SORCS1: variants seen among roughly 807,000 people sequenced by gnomAD.
SORCS1 encodes sortilin related VPS10 domain containing receptor 1, also known as VPS10 domain-containing receptor SorCS1.
In SORCS1, 60 loss-of-function variants were observed where a neutral mutation model predicts 146.1. The observed-to-expected ratio is 0.41, with a 90% CI of 0.33 to 0.51. SORCS1 has a LOEUF of 0.51. Among genes scored for constraint, SORCS1 ranks in the 20% least tolerant of loss-of-function variants. The pLI is 0.21. For missense variants in SORCS1, 1,352 were observed against 1,487.6 expected (o/e 0.91, Z 1.50); for synonymous variants, 637 against 584.0 (o/e 1.09, Z -1.31).
At chr10:106,634,338 ATTGTGTGT>A (rs1848609039) in intron 18 of SORCS1, among the ~76,000 whole-genome samples, 1 of 152,218 alleles carries the variant, frequency 6.6e-6, no homozygotes. Context: ...GCACATTTCT[ATTGTGTGT>A]TTGTCAAAAT....
chr10:107,020,930 G>A (rs1159051523), intron 1 of SORCS1, among the ~76,000 whole-genome samples: 1 of 151,870 alleles, frequency 6.6e-6, no homozygotes, highest in Non-Finnish European at 1.5e-5. Flanking sequence ...TATAGATATA[G>A]AGCATTCATT....
intron 1 of SORCS1, among the ~76,000 whole-genome samples, chr10:107,133,309 T>C (rs1003763463): frequency 3.3e-5 from 5 of 152,128 alleles, no homozygotes; most frequent in Admixed American, 6.5e-5. Context: ...TTTGGTCTCC[T>C]TTCCAGTGAG....
chr10:106,590,826 T>C (rs1205190688), intron 24 of SORCS1, among the ~76,000 whole-genome samples: 1 of 152,146 alleles, frequency 6.6e-6, no homozygotes, highest in African/African-American at 2.4e-5. Context: ...GGCTAATTAT[T>C]GTACTTTTGA....
intron 22 of SORCS1, among the ~76,000 whole-genome samples, chr10:106,609,480 T>C (rs6584756): frequency 0.86 from 131,259 of 152,216 alleles, 56,999 homozygotes; most frequent in Middle Eastern, 0.95. Flanking sequence ...GGTTTATTAG[T>C]GTACACTTGC....
At chr10:106,981,556 C>T (rs1956246018) in intron 1 of SORCS1, among the ~76,000 whole-genome samples, 1 of 152,106 alleles carries the variant, frequency 6.6e-6, no homozygotes, top group African/African-American at 2.4e-5. Context: ...CTCATACAAC[C>T]AACATTCTTT....
intron 1 of SORCS1, among the ~76,000 whole-genome samples, chr10:107,100,142 T>C (rs1268425562): frequency 2.0e-5 from 3 of 152,176 alleles, no homozygotes; most frequent in Non-Finnish European, 4.4e-5. Context: ...GCAGCCAGCA[T>C]TTAAATGTTT....
At chr10:106,595,594 G>A (rs1845859239) in intron 24 of SORCS1, among the ~76,000 whole-genome samples, 1 of 152,120 alleles carries the variant, frequency 6.6e-6, no homozygotes. Flanking sequence ...AATATTCTAT[G>A]AAATCCAATA....
intron 2 of SORCS1, among the ~76,000 whole-genome samples, chr10:106,947,263 T>C (rs1191411827): frequency 6.6e-6 from 1 of 152,214 alleles, no homozygotes. Flanking sequence ...ACAATACAAA[T>C]GCATTCATTT....
At chr10:107,021,542 A>G (rs899317523) in intron 1 of SORCS1, among the ~76,000 whole-genome samples, 1 of 138,020 alleles carries the variant, frequency 7.2e-6, no homozygotes, top group Non-Finnish European at 1.5e-5. Context: ...AAAAAAAAAA[A>G]AAGAATACGC....
At position 106,755,936 on chromosome 10, in the gene SORCS1, C is replaced by T. The variant is rs544724787; in HGVS notation, c.959+5652G>A. Among the ~76,000 whole-genome samples the T allele has an allele frequency of 2.0e-5, 3 of 152,178 alleles. No homozygotes were observed. In the East Asian group the frequency reaches 5.8e-4, roughly 29 times the overall value. On this transcript the variant is annotated intron_variant, in intron 5 of 25. Transcript: ENST00000263054. ...CTGAGCTCAGGAGTTCAAGACCAGC[C>T]TGGCCAACACGGTGAAATTCCGTCT... is the stretch of plus-strand genomic sequence containing the variant.
intron 20 of SORCS1, among the ~76,000 whole-genome samples, chr10:106,619,103 G>T (rs1229577330): frequency 1.3e-5 from 2 of 152,032 alleles, no homozygotes; most frequent in Non-Finnish European, 2.9e-5. Context: ...TTTCAATGGG[G>T]TCTCTTGAGA....
At chr10:106,778,180 G>A (rs1291061437) in intron 3 of SORCS1, among the ~76,000 whole-genome samples, 1 of 152,054 alleles carries the variant, frequency 6.6e-6, no homozygotes, top group African/African-American at 2.4e-5. Flanking sequence ...CCCAAACTCT[G>A]TTTATGCTAT....
chr10:107,055,363 G>T (rs1158785742), intron 1 of SORCS1, among the ~76,000 whole-genome samples: 2 of 151,450 alleles, frequency 1.3e-5, no homozygotes, highest in East Asian at 3.8e-4. Flanking sequence ...GGAATAGATA[G>T]TGAGTTTAAG....
intron 6 of SORCS1, among the ~76,000 whole-genome samples, chr10:106,721,448 ACT>A (rs1855774324): frequency 8.9e-5 from 1 of 11,188 alleles, no homozygotes; most frequent in African/African-American, 1.0e-4. Flanking sequence ...TTTAAAGTTC[ACT>A]GAAGAAGAAA....
At chr10:107,073,575 C>T (rs1210914466) in intron 1 of SORCS1, among the ~76,000 whole-genome samples, 2 of 152,152 alleles carry the variant, frequency 1.3e-5, no homozygotes, top group African/African-American at 4.8e-5. Flanking sequence ...TCGCTAAATG[C>T]TCACAACAAT....
At chr10:106,773,768 C>A (rs139890097) in intron 4 of SORCS1, among the ~76,000 whole-genome samples, 1 of 151,966 alleles carries the variant, frequency 6.6e-6, no homozygotes, top group Non-Finnish European at 1.5e-5. Flanking sequence ...GCCAACAAGG[C>A]GAAACCCCGT....
chr10:106,924,466 G>GATCGATCTATCT (rs765787084), intron 2 of SORCS1, among the ~76,000 whole-genome samples: 1 of 130,664 alleles, frequency 7.7e-6, no homozygotes, highest in Non-Finnish European at 1.7e-5. Context: ...CACAGTTATC[G>GATCGATCTATCT]ATCTATCTAT....
intron 1 of SORCS1, among the ~76,000 whole-genome samples, chr10:107,138,933 AC>A (rs1694072037): frequency 6.6e-6 from 1 of 152,226 alleles, no homozygotes; most frequent in African/African-American, 2.4e-5. Flanking sequence ...CCTTTCCTAG[AC>A]TTTTCACTCT....
intron 1 of SORCS1, among the ~76,000 whole-genome samples, chr10:107,064,207 C>T (rs769546623): frequency 2.6e-5 from 4 of 152,084 alleles, no homozygotes; most frequent in South Asian, 2.1e-4. Context: ...AGATTGAATA[C>T]GGTACCAGCA....
Sources: allele counts gnomAD v4.1 joint callset (sites outside exome capture counted in the v4.1 genomes callset), GRCh38; gene constraint gnomAD v4.1.1; transcripts MANE v1.5; gene names NCBI Gene and HGNC (gene_info 2026-07-23, HGNC 2026-07-21).